Variants in NAV2 observed in about 807,000 individuals in gnomAD.
The protein encoded by NAV2 is neuron navigator 2, also known as helicase, APC down-regulated 1.
In NAV2, 54 loss-of-function variants were observed where a neutral mutation model predicts 223.2. That is an observed-to-expected ratio of 0.24 (90% CI 0.19 to 0.30). The LOEUF (loss-of-function observed/expected upper bound fraction) is 0.30, where lower values mean the gene tolerates loss of function less well. Ranked by LOEUF, NAV2 falls within the 10% of genes least tolerant of loss-of-function variation. The pLI is 1.00. For missense variants in NAV2, 2,806 were observed against 3,147.5 expected, an observed-to-expected ratio of 0.89 and a Z score of 2.60; for synonymous variants, 1,279 against 1,239.3, an observed-to-expected ratio of 1.03 and a Z score of -0.67.
At chr11:20,037,107 G>A (rs921683032) in intron 12 of NAV2, among the ~76,000 whole-genome samples, 1 of 152,138 alleles carries the variant, frequency 6.6e-6, no homozygotes, top group African/African-American at 2.4e-5. Context: ...TGGCGTCGTA[G>A]GCTGGAATCT....
intron 1 of NAV2, among the ~76,000 whole-genome samples, chr11:19,408,090 T>C (rs1321988465): frequency 6.6e-6 from 1 of 152,164 alleles, no homozygotes; most frequent in Non-Finnish European, 1.5e-5. Flanking sequence ...GCCACTGTAA[T>C]GAAGCGAGCT....
intron 26 of NAV2, among the ~76,000 whole-genome samples, chr11:20,089,887 C>T (rs2060713666): frequency 6.6e-6 from 1 of 152,148 alleles, no homozygotes; most frequent in Non-Finnish European, 1.5e-5. Flanking sequence ...AACAGGGTCC[C>T]ATGGTGACCT....
chr11:19,932,257 A>AAAAAAAAAAAAAAAAAAAG (rs1555153008), intron 6 of NAV2, among the ~76,000 whole-genome samples: 16 of 100,006 alleles, frequency 1.6e-4, no homozygotes, highest in East Asian at 1.1e-3. Context: ...AAAAAAAAAA[A>AAAAAAAAAAAAAAAAAAAG]AAAGAAAGAA....
In NAV2 at chr11:19,728,947, A is replaced by G. The variant is rs540839979; in HGVS notation, c.267+14985A>G. Reference sequence around the variant, plus strand: ...TCCTATGGGGCAAGAGAGAGATGCCAAGAGTGCACCCCTTCCTTCATGACA... The same window carrying G: ...TCCTATGGGGCAAGAGAGAGATGCCGAGAGTGCACCCCTTCCTTCATGACA... On this transcript the variant is annotated intron_variant, in intron 1 of 37. Coordinates refer to ENST00000349880, the MANE Select transcript of NAV2 (RefSeq NM_145117.5). Among the ~76,000 whole-genome samples, 7 of 152,314 alleles carry G rather than the reference A, an allele frequency of 4.6e-5. 1 individual carries two copies. In the East Asian group the frequency reaches 1.3e-3, roughly 29 times the overall value.
chr11:19,928,755 T>C (rs73439566), intron 6 of NAV2, among the ~76,000 whole-genome samples: 15 of 152,266 alleles, frequency 9.9e-5, no homozygotes, highest in African/African-American at 3.1e-4. Flanking sequence ...AAAAGGACAC[T>C]AGAGAAATAG....
At chr11:20,036,948 G>A (rs139800102) in intron 12 of NAV2, among the ~76,000 whole-genome samples, 31 of 152,226 alleles carry the variant, frequency 2.0e-4, no homozygotes, top group South Asian at 8.3e-4. Context: ...ATGTGGACAC[G>A]TTCACTGACC....
chr11:19,677,914 A>G (rs1481070290), intron 1 of NAV2, among the ~76,000 whole-genome samples: 1 of 152,220 alleles, frequency 6.6e-6, no homozygotes, highest in African/African-American at 2.4e-5. Flanking sequence ...TTATAGAAAA[A>G]GTTTGCCAAC....
At chr11:20,097,825 C>G in intron 31 of NAV2, 80 bp downstream of exon 31, 1 of 1,339,918 alleles carries the variant, frequency 7.5e-7, no homozygotes. Context: ...CACTTGTGGC[C>G]CCAGTTTTGT....
intron 7 of NAV2, among the ~76,000 whole-genome samples, chr11:19,937,469 C>A (rs953269859): frequency 1.3e-5 from 2 of 151,344 alleles, no homozygotes; most frequent in East Asian, 2.0e-4. Context: ...TCAGAAGTAA[C>A]AGTGGATTCA....
At chr11:19,664,282 C>T (rs1260332305) in intron 1 of NAV2, among the ~76,000 whole-genome samples, 1 of 152,166 alleles carries the variant, frequency 6.6e-6, no homozygotes, top group Non-Finnish European at 1.5e-5. Flanking sequence ...AAAGTCAACC[C>T]TTCATCACCT....
chr11:19,616,576 G>T (rs1173820574), intron 1 of NAV2, among the ~76,000 whole-genome samples: 1 of 152,044 alleles, frequency 6.6e-6, no homozygotes, highest in African/African-American at 2.4e-5. Flanking sequence ...GAGACTCCCT[G>T]TGGAGCACCC....
At chr11:19,628,896 C>A (rs1190827358) in intron 1 of NAV2, among the ~76,000 whole-genome samples, 1 of 152,178 alleles carries the variant, frequency 6.6e-6, no homozygotes, top group Non-Finnish European at 1.5e-5. Context: ...GCGCTCCCTC[C>A]CCGGTACTCC....
chr11:19,476,850 C>T (rs1411302221), intron 1 of NAV2, among the ~76,000 whole-genome samples: 1 of 152,160 alleles, frequency 6.6e-6, no homozygotes, highest in Non-Finnish European at 1.5e-5. Context: ...GATGGTCCTC[C>T]CGGTACTTAG....
At chr11:19,355,736 A>G (rs1429816903) in intron 1 of NAV2, among the ~76,000 whole-genome samples, 2 of 152,204 alleles carry the variant, frequency 1.3e-5, no homozygotes, top group East Asian at 3.9e-4. Context: ...CTGCATGGTA[A>G]CTGTATGACA....
chr11:19,346,574 C>T (rs1387285402), upstream of NAV2, among the ~76,000 whole-genome samples: 1 of 152,250 alleles, frequency 6.6e-6, no homozygotes, highest in Non-Finnish European at 1.5e-5. Flanking sequence ...CCGCGTCGCC[C>T]AGCTGGGGCC....
chr11:20,039,016 A>C (rs1192423239), intron 12 of NAV2, among the ~76,000 whole-genome samples: 2 of 152,210 alleles, frequency 1.3e-5, no homozygotes, highest in East Asian at 3.9e-4. Flanking sequence ...CCCACAGAGC[A>C]CAGGTGCCCA....
At chr11:20,116,148 A>G (rs987643139) in intron 37 of NAV2, among the ~76,000 whole-genome samples, 2 of 152,208 alleles carry the variant, frequency 1.3e-5, no homozygotes, top group African/African-American at 4.8e-5. Flanking sequence ...AGAAAACATA[A>G]CAGAGAATAT....
At chr11:19,444,193 G>A (rs1048192971) in intron 1 of NAV2, among the ~76,000 whole-genome samples, 12 of 152,110 alleles carry the variant, frequency 7.9e-5, no homozygotes, top group Non-Finnish European at 1.5e-4. Flanking sequence ...CGCCTGCCTG[G>A]GCTTCCCAAA....
At chr11:20,118,034 C>A in intron 37 of NAV2, 99 bp from the exon 38 acceptor site, 2 of 1,395,314 alleles carry the variant, frequency 1.4e-6, no homozygotes, top group Non-Finnish European at 2.0e-6. Flanking sequence ...GGGCTGTTAT[C>A]CCAGGTGAGT....
Sources: gnomAD v4.1 joint callset for allele counts (sites outside exome capture counted in the v4.1 genomes callset) on GRCh38, gnomAD v4.1.1 for gene constraint, MANE v1.5 for transcripts, NCBI Gene and HGNC (gene_info 2026-07-23, HGNC 2026-07-21) for gene names.